ANKS1B: variants seen among roughly 807,000 people sequenced by gnomAD.
ANKS1B encodes the protein ankyrin repeat and sterile alpha motif domain-containing protein 1B.
ANKS1B carries 36 observed loss-of-function variants against 148.3 expected under a neutral mutation model. The observed-to-expected ratio is 0.24, with a 90% CI of 0.19 to 0.32. The LOEUF is 0.32. ANKS1B is among the 10% of genes least tolerant of loss of function. ANKS1B has a pLI of 1.00. For missense variants in ANKS1B, 1,157 were observed against 1,542.6 expected (o/e 0.75, Z 4.19); for synonymous variants, 542 against 560.8 (o/e 0.97, Z 0.47).
chr12:99,505,265 A>G (rs762183624), intron 9 of ANKS1B, among the ~76,000 whole-genome samples: 1 of 152,088 alleles, frequency 6.6e-6, no homozygotes. Context: ...CATTGATCAT[A>G]TCATTGAGCT....
At chr12:99,474,893 A>G (rs947893855) in intron 10 of ANKS1B, among the ~76,000 whole-genome samples, 1 of 152,000 alleles carries the variant, frequency 6.6e-6, no homozygotes, top group Admixed American at 6.6e-5. Context: ...AAAGAGTGAA[A>G]ATATTTATTT....
intron 8 of ANKS1B, among the ~76,000 whole-genome samples, chr12:99,697,502 A>G (rs2054111837): frequency 6.6e-6 from 1 of 152,190 alleles, no homozygotes; most frequent in East Asian, 1.9e-4. Context: ...TACTTACTGT[A>G]TAATTTCAAC....
At chr12:99,451,790 T>TGTGTGTGTGC (rs2095742546) in intron 10 of ANKS1B, among the ~76,000 whole-genome samples, 1 of 151,786 alleles carries the variant, frequency 6.6e-6, no homozygotes, top group African/African-American at 2.4e-5. Flanking sequence ...CAGATACGTG[T>TGTGTGTGTGC]GTGTGTGTGT....
At chr12:99,607,354 TA>T (rs1280776030) in intron 9 of ANKS1B, among the ~76,000 whole-genome samples, 1 of 151,584 alleles carries the variant, frequency 6.6e-6, no homozygotes. Flanking sequence ...AGCTAAAAGT[TA>T]AAAGTTAAAT....
intron 8 of ANKS1B, among the ~76,000 whole-genome samples, chr12:99,663,980 G>A (rs79883540): frequency 2.4e-4 from 37 of 152,130 alleles, no homozygotes; most frequent in African/African-American, 7.9e-4. Flanking sequence ...CAATTTGAAC[G>A]TTTTTATTAT....
At chr12:98,857,552 G>C (rs950950690) in intron 17 of ANKS1B, among the ~76,000 whole-genome samples, 41 of 151,806 alleles carry the variant, frequency 2.7e-4, no homozygotes, top group African/African-American at 9.7e-4. Flanking sequence ...GATAAGTCTA[G>C]AGAAGAAGAG....
chr12:99,358,642 G>C (rs1219281780), intron 12 of ANKS1B, among the ~76,000 whole-genome samples: 1 of 151,860 alleles, frequency 6.6e-6, no homozygotes, highest in African/African-American at 2.4e-5. Context: ...ATCTTGCCGG[G>C]AAAAGTTCCT....
At chr12:99,836,991 C>T (rs2153693983) in intron 1 of ANKS1B, among the ~76,000 whole-genome samples, 1 of 152,184 alleles carries the variant, frequency 6.6e-6, no homozygotes, top group African/African-American at 2.4e-5. Context: ...TATTACACAG[C>T]AAGGGAGAAT....
rs112061007 is a variant in ANKS1B at position 99,964,149 on chromosome 12, A to C, written c.134+19955T>G. On this transcript the variant is annotated intron_variant, in intron 1 of 26. Transcript: ENST00000683438. ...TGAAAAAAAGCCCATTAAAGAATGC[A>C]AAGTGCTGACCAGCCTATCAAATTA... is the stretch of plus-strand genomic sequence containing the variant. 2.2e-3 allele frequency among the ~76,000 whole-genome samples: 331 copies of C among 152,330 alleles called. 1 individual carries two copies. The highest frequency in any genetic ancestry group is 7.7e-3 in the African/African-American group (319 of 41,572).
rs568931998 is a variant in ANKS1B at position 98,758,010 on chromosome 12, C to G, written c.3580-6488G>C. Among the ~76,000 whole-genome samples, 6 of 151,980 alleles carry G rather than the reference C, an allele frequency of 3.9e-5. No homozygotes were observed. In the South Asian group the frequency reaches 1.2e-3, roughly 32 times the overall value. On this transcript the variant is annotated intron_variant, in intron 25 of 26. Transcript: ENST00000683438. ...ATTACTGAAAACAGCATACTCTGAG[C>G]CTTGGTTTTCTCATCTTAAAATGGG...
At chr12:98,758,057 C>T (rs1487061055) in intron 25 of ANKS1B, among the ~76,000 whole-genome samples, 1 of 152,076 alleles carries the variant, frequency 6.6e-6, no homozygotes. Context: ...ACGCAGTACC[C>T]CCTAACTGGA....
At chr12:99,064,745 T>C (rs972375370) in intron 16 of ANKS1B, among the ~76,000 whole-genome samples, 1 of 152,206 alleles carries the variant, frequency 6.6e-6, no homozygotes, top group Non-Finnish European at 1.5e-5. Context: ...GGGATGCAGA[T>C]GAAAAGACCA....
chr12:99,031,362 G>T (rs1033685507), intron 17 of ANKS1B, among the ~76,000 whole-genome samples: 1 of 152,174 alleles, frequency 6.6e-6, no homozygotes, highest in African/African-American at 2.4e-5. Flanking sequence ...TGTTCTGAGT[G>T]GTTTCTATAG....
chr12:99,208,517 T>C (rs1566634497), intron 14 of ANKS1B, among the ~76,000 whole-genome samples: 1 of 152,188 alleles, frequency 6.6e-6, no homozygotes, highest in Non-Finnish European at 1.5e-5. Context: ...ATGGGGAGTG[T>C]TCCAACAATT....
At chr12:99,590,316 A>G (rs185453915) in intron 9 of ANKS1B, among the ~76,000 whole-genome samples, 2 of 150,612 alleles carry the variant, frequency 1.3e-5, no homozygotes, top group East Asian at 3.9e-4. Flanking sequence ...TAACTTCTCT[A>G]AACAAAAAAG....
intron 17 of ANKS1B, among the ~76,000 whole-genome samples, chr12:98,992,421 G>T (rs1304780388): frequency 6.6e-6 from 1 of 152,118 alleles, no homozygotes. Context: ...GGAGGTGATT[G>T]GATCCTGGGG....
intron 1 of ANKS1B, among the ~76,000 whole-genome samples, chr12:99,979,262 T>C (rs1241656880): frequency 1.3e-5 from 2 of 152,068 alleles, no homozygotes; most frequent in Admixed American, 6.6e-5. Context: ...AAAAGAAATA[T>C]ATACTTGTCC....
intron 25 of ANKS1B, among the ~76,000 whole-genome samples, chr12:98,765,010 G>T (rs2098461747): frequency 6.6e-6 from 1 of 152,204 alleles, no homozygotes; most frequent in Non-Finnish European, 1.5e-5. Flanking sequence ...TTTTTCCTCA[G>T]ATGTGGAAGC....
intron 19 of ANKS1B, among the ~76,000 whole-genome samples, chr12:98,814,492 C>T (rs754941074): frequency 5.3e-5 from 8 of 152,294 alleles, no homozygotes; most frequent in East Asian, 1.9e-4. Flanking sequence ...AACACACTTC[C>T]GGTTAATTGT....
Sources: gnomAD v4.1 joint callset for allele counts (sites outside exome capture counted in the v4.1 genomes callset) on GRCh38, gnomAD v4.1.1 for gene constraint, MANE v1.5 for transcripts, NCBI Gene and HGNC (gene_info 2026-07-23, HGNC 2026-07-21) for gene names.